Variants in ADAT3 observed in about 807,000 individuals in gnomAD.
ADAT3 encodes the protein tRNA-specific adenosine-34 deaminase regulatory subunit ADAT3.
ADAT3 carries 2 observed loss-of-function variants against 3.5 expected under a neutral mutation model. The observed-to-expected ratio is 0.57, with a 90% CI of 0.23 to 1.79. The LOEUF (loss-of-function observed/expected upper bound fraction) is 1.79, where lower values mean the gene tolerates loss of function less well. Among genes scored for constraint, ADAT3 ranks in the 40% most tolerant of loss-of-function variants. The pLI is 0.18. For synonymous variants in ADAT3, 358 were observed against 270.3 expected, an observed-to-expected ratio of 1.32 and a Z score of -3.18; for missense variants, 735 against 571.4, an observed-to-expected ratio of 1.29 and a Z score of -2.92.
chr19:1,912,328 TGCGGCCCAGCCGCGATGCCG>T lies in ADAT3; in HGVS notation c.284_303del (p.Arg95GlnfsTer23). 6.5e-7 allele frequency: 1 copy of T among 1,538,268 alleles called. No individual in the cohort carries two copies. Among genetic ancestry groups the T allele is most frequent in the Non-Finnish European group, 8.7e-7 (1 of 1,150,336 alleles). On this transcript the variant is annotated frameshift_variant, in exon 2 of 2. Transcript: ENST00000329478. LOFTEE classifies it low-confidence loss of function (END_TRUNC). ...CCCGCCCAGCCTCACCTCAAGCGGG[TGCGGCCCAGCCGCGATGCCG>T]GCAGCCCCCACGCCCTGGAGATGCT... is the stretch of plus-strand genomic sequence containing the variant.
rs750783340 is a variant in ADAT3, at chr19:1,912,169, C to G, written c.122C>G (p.Pro41Arg). Reference sequence around the variant, plus strand: ...GGGAGCCCGGAGCCTGAGCCGGCGCCGTGGCAGGCCCTCCCTGTCCTGTCC... The same window carrying G: ...GGGAGCCCGGAGCCTGAGCCGGCGCGGTGGCAGGCCCTCCCTGTCCTGTCC... Reference protein sequence around the residue: ...EAGSPEPEPAPWQALPVLSEK... With the variant: ...EAGSPEPEPARWQALPVLSEK... Residue 41 changes from proline (P) to arginine (R), a missense_variant, in exon 2 of 2, where the codon CCG becomes CGG. Transcript: ENST00000329478. The G allele has an allele frequency of 6.3e-7, 1 of 1,574,878 alleles. No homozygotes were observed. The highest frequency in any genetic ancestry group is 8.6e-7 in the Non-Finnish European group (1 of 1,165,198).
At chr19:1,909,118 T>A (rs552503895) in intron 1 of ADAT3, among the ~76,000 whole-genome samples, 5 of 141,482 alleles carry the variant, frequency 3.5e-5, no homozygotes, top group Non-Finnish European at 6.1e-5. Flanking sequence ...AAAAAAAAAA[T>A]GTGGGCTGGG....
At chr19:1,907,840 T>TAA (rs2013216134) in intron 1 of ADAT3, among the ~76,000 whole-genome samples, 2 of 151,744 alleles carry the variant, frequency 1.3e-5, no homozygotes, top group African/African-American at 4.8e-5. Flanking sequence ...GCTGTGGGAG[T>TAA]GAGTCGTCCC....
At chr19:1,911,804 A>T (rs12609079) in intron 1 of ADAT3, 86 bp from the exon 2 acceptor site, 214,128 of 400,852 alleles carry the variant, frequency 0.53, 61,977 homozygotes, top group Non-Finnish European at 0.62. Context: ...TAAAATAAAA[A>T]AAAAAGAAAA....
rs536220756 is a variant in ADAT3, at chr19:1,912,867, C to G, written c.820C>G (p.Gln274Glu). 6.9e-6 allele frequency: 11 copies of G among 1,600,780 alleles called. No homozygotes were observed. The highest frequency in any genetic ancestry group is 1.3e-5 in the African/African-American group (1 of 74,900). ...CTCCTTCGCCCCGGCCGCTGCCCCC[C>G]AGGCCGTCCGCGCAGGCGCCGTGCG... ...ACSFAPAAAPQAVRAGAVRKL... is the reference protein window; with the variant it reads ...ACSFAPAAAPEAVRAGAVRKL... The change falls in exon 2 of 2, where the codon CAG becomes GAG. Residue 274 changes from glutamine (Q) to glutamate (E), a missense_variant. Gln to Glu is a conservative substitution (Grantham distance 29, BLOSUM62 2). Coordinates refer to ENST00000329478, the MANE Select transcript of ADAT3 (RefSeq NM_138422.4).
rs1264191885 is a variant in ADAT3 at position 1,905,442 on chromosome 19, A to G, written c.-159+3A>G. Reference sequence around the variant, plus strand: ...GCGCTCGCGCCCGGATCCCTCAGGTAAGCGCGCGGCCCCGAGGTCTCGGGT... The same window carrying G: ...GCGCTCGCGCCCGGATCCCTCAGGTGAGCGCGCGGCCCCGAGGTCTCGGGT... On this transcript the variant is annotated splice_donor_region_variant and intron_variant, in intron 1 of 1. Transcript: ENST00000329478. 2.2e-6 allele frequency: 1 copy of G among 462,112 alleles called. No homozygotes were observed. The highest frequency in any genetic ancestry group is 4.5e-6 in the Non-Finnish European group (1 of 223,060). The allele number at this position is 462,112 out of a possible 1,614,324, so 28.6% of individuals were successfully genotyped here. A position where few individuals can be genotyped will look rare whatever the true frequency, so the allele number is the denominator to read the frequency against.
In ADAT3 at chr19:1,912,449, C is replaced by T. The variant is rs749274737; in HGVS notation, c.402C>T (p.Arg134=). 2 of 1,506,656 alleles carry T rather than the reference C, an allele frequency of 1.3e-6. No homozygotes were observed. Among genetic ancestry groups the T allele is most frequent in the African/African-American group, 1.4e-5 (1 of 69,088 alleles). 93.3% of individuals were successfully genotyped at this position (1,506,656 alleles called of 1,614,324 possible). The change falls in exon 2 of 2, where the codon CGC becomes CGT. Residue 134 remains arginine (R), a synonymous_variant. Coordinates refer to ENST00000329478, the MANE Select transcript of ADAT3 (RefSeq NM_138422.4). ...TGCCACGGCCGGCTGTGGACCCCCG[C>T]GGCCTGGGGCAACCCTTCCTGGTGC... ...ELLPRPAVDP[R]GLGQPFLVPV...
At chr19:1,909,219 C>T (rs1229157621) in intron 1 of ADAT3, among the ~76,000 whole-genome samples, 1 of 151,892 alleles carries the variant, frequency 6.6e-6, no homozygotes, top group African/African-American at 2.4e-5. Flanking sequence ...CCAGCTGAGA[C>T]TGTGGTTTGG....
Position 1,912,792 on chromosome 19 carries a change from GCGCGCGGCCAGGGC to G in ADAT3, c.750_763del (p.Gly251HisfsTer28). The G allele has an allele frequency of 4.5e-6, 7 of 1,571,924 alleles. No individual in the cohort carries two copies. Among genetic ancestry groups the G allele is most frequent in the Non-Finnish European group, 6.0e-6 (7 of 1,167,408 alleles). On this transcript the variant is annotated frameshift_variant, in exon 2 of 2. Transcript: ENST00000329478. LOFTEE classifies it low-confidence loss of function (END_TRUNC). The stretch of plus-strand genomic sequence containing the variant: ...CGTCATGGTGTGCGTGGACCTCGTG[GCGCGCGGCCAGGGC>G]CGCGGCACCTACGACTTCAGACCCT...
In ADAT3 at chr19:1,913,287, G is replaced by A. The variant is rs2013598701; in HGVS notation, c.*136G>A. The A allele has an allele frequency of 3.1e-6, 4 of 1,286,430 alleles. No individual in the cohort carries two copies. Among genetic ancestry groups the A allele is most frequent in the Non-Finnish European group, 2.1e-6 (2 of 954,884 alleles). 79.7% of individuals were successfully genotyped at this position (1,286,430 alleles called of 1,614,324 possible). On this transcript the variant is annotated 3_prime_UTR_variant, in exon 2 of 2. Coordinates refer to ENST00000329478, the MANE Select transcript of ADAT3 (RefSeq NM_138422.4). The stretch of plus-strand genomic sequence containing the variant: ...ACATACCGCCTCCAGCGGGGAGCAC[G>A]GGTGCTGCCTTCCGTGCGGATCGAG...
chr19:1,912,730 A>G lies in ADAT3; in HGVS notation c.683A>G (p.His228Arg). The G allele has an allele frequency of 6.5e-7, 1 of 1,531,894 alleles. No homozygotes were observed. Among genetic ancestry groups the G allele is most frequent in the Non-Finnish European group, 8.7e-7 (1 of 1,146,852 alleles). 94.9% of individuals were successfully genotyped at this position (1,531,894 alleles called of 1,614,324 possible). Residue 228 changes from histidine to arginine, a missense_variant, in exon 2 of 2, where the codon CAC (histidine) becomes CGC (arginine). By Grantham distance (29) the His-to-Arg change is conservative. Transcript: ENST00000329478. ...TCGGACCGCGTGCTGGCCACCGGCC[A>G]CGACTGCAGCTGCGCGGACAACCCC... ...PASDRVLATG[H>R]DCSCADNPLL...
At position 1,913,071 on chromosome 19, in the gene ADAT3, C is replaced by T. The variant is rs1355939016; in HGVS notation, c.1024C>T (p.Arg342Trp). 1.2e-6 allele frequency: 2 copies of T among 1,602,116 alleles called. No individual in the cohort carries two copies. Among genetic ancestry groups the T allele is most frequent in the Non-Finnish European group, 1.7e-6 (2 of 1,178,622 alleles). Residue 342 changes from arginine (R) to tryptophan (W), a missense_variant, in exon 2 of 2, where the codon CGG (arginine) becomes TGG (tryptophan). By Grantham distance (101) the Arg-to-Trp change is moderately radical. Transcript: ENST00000329478. Reference sequence around the variant, plus strand: ...GGGCACCCGCTTCCGCATCCACGCACGGCCCGACCTCAACCACCGCTTCCA... The same window carrying T: ...GGGCACCCGCTTCCGCATCCACGCATGGCCCGACCTCAACCACCGCTTCCA... ...ALGTRFRIHA[R>W]PDLNHRFQVF... is the part of the protein sequence containing the mutation.
Position 1,912,033 on chromosome 19 carries a change from G to A in ADAT3, c.-15G>A. 7.1e-6 allele frequency: 10 copies of A among 1,415,232 alleles called. No homozygotes were observed. The highest frequency in any genetic ancestry group is 8.2e-6 in the Non-Finnish European group (9 of 1,091,256). 87.7% of individuals were successfully genotyped at this position (1,415,232 alleles called of 1,614,324 possible). ...CGGACTCCCCGGCTCTCCCCCAGCCGCCCGCAGCCGCCGGATGATCCTCTG... is the reference window on the plus strand; with the variant it reads ...CGGACTCCCCGGCTCTCCCCCAGCCACCCGCAGCCGCCGGATGATCCTCTG... On this transcript the variant is annotated 5_prime_UTR_variant, in exon 2 of 2. Transcript: ENST00000329478.
Position 1,912,233 on chromosome 19 carries a change from C to G in ADAT3, c.186C>G (p.Tyr62Ter), listed in dbSNP as rs1374531289. Reference sequence around the variant, plus strand: ...GGGACGTGGAGCTGGTGCTGGCCTACGCCGCGCCCGTCCTGGACAAGCGCC... The same window carrying G: ...GGGACGTGGAGCTGGTGCTGGCCTAGGCCGCGCCCGTCCTGGACAAGCGCC... ...QSGDVELVLA[Y>*]AAPVLDKRQT... Residue 62 changes from tyrosine (Y) to a stop codon, truncating the protein, a stop_gained, in exon 2 of 2, where the codon TAC becomes TAG. Coordinates refer to ENST00000329478, the MANE Select transcript of ADAT3 (RefSeq NM_138422.4). LOFTEE classifies it low-confidence loss of function (END_TRUNC). The G allele has an allele frequency of 1.3e-6, 2 of 1,595,864 alleles. No homozygotes were observed. The highest frequency in any genetic ancestry group is 1.7e-6 in the Non-Finnish European group (2 of 1,174,164).
Position 1,908,241 on chromosome 19 carries a change from C to G in ADAT3, c.-159+2802C>G, listed in dbSNP as rs1009863152. The G allele has an allele frequency of 3.5e-6, 1 of 287,656 alleles. No homozygotes were observed. The highest frequency in any genetic ancestry group is 6.9e-6 in the Non-Finnish European group (1 of 145,182). 17.8% of individuals were successfully genotyped at this position (287,656 alleles called of 1,614,324 possible). The stretch of plus-strand genomic sequence containing the variant: ...CAGCGGCAGCACCTGGCGCTGCCTC[C>G]GCGCTTCCTGCTCCCGGCTCCCACT... On this transcript the variant is annotated intron_variant, in intron 1 of 1. Coordinates refer to ENST00000329478, the MANE Select transcript of ADAT3 (RefSeq NM_138422.4). This position sits in a 1 kb window ranked among gnomAD's most constrained non-coding sequence, Gnocchi z 4.2.
intron 1 of ADAT3, among the ~76,000 whole-genome samples, chr19:1,909,794 GGCTGCCTGCTCCACCCGACA>G (rs1221636691): frequency 2.0e-5 from 3 of 152,220 alleles, no homozygotes; most frequent in African/African-American, 7.2e-5. Context: ...ACACCCCAGT[GGCTGCCTGCTCCACCCGACA>G]GCCAGGGCCC....
intron 1 of ADAT3, among the ~76,000 whole-genome samples, 152 bp from the exon 2 acceptor site, chr19:1,911,738 A>G (rs567118580): frequency 1.5e-4 from 23 of 152,192 alleles, no homozygotes; most frequent in Non-Finnish European, 2.9e-4. Flanking sequence ...AGCTGAGATC[A>G]TGCCACTGTA....
intron 1 of ADAT3, 123 bp downstream of exon 1, chr19:1,905,562 G>A (rs2013058764): frequency 3.4e-6 from 1 of 292,764 alleles, no homozygotes; most frequent in South Asian, 2.4e-5. Flanking sequence ...AGAAAACGGG[G>A]GGCCCAGGCC....
Position 1,913,074 on chromosome 19 carries a change from C to G in ADAT3, c.1027C>G (p.Pro343Ala). 4 of 1,601,772 alleles carry G rather than the reference C, an allele frequency of 2.5e-6. No individual in the cohort carries two copies. The highest frequency in any genetic ancestry group is 3.4e-6 in the Non-Finnish European group (4 of 1,178,486). Residue 343 changes from proline to alanine, a missense_variant, in exon 2 of 2, where the codon CCC becomes GCC. Physicochemically the swap from Pro to Ala is conservative, Grantham distance 27. Coordinates refer to ENST00000329478, the MANE Select transcript of ADAT3 (RefSeq NM_138422.4). ...CACCCGCTTCCGCATCCACGCACGG[C>G]CCGACCTCAACCACCGCTTCCAGGT... ...LGTRFRIHAR[P>A]DLNHRFQVFR...
Sources: gnomAD v4.1 joint callset for allele counts (sites outside exome capture counted in the v4.1 genomes callset) on GRCh38, gnomAD v4.1.1 for gene constraint, Gnocchi (gnomAD v3.1) non-coding constraint, MANE v1.5 for transcripts, NCBI Gene and HGNC (gene_info 2026-07-23, HGNC 2026-07-21) for gene names.